The following ENOX1 variants were observed in gnomAD, a reference collection of about 807,000 sequenced individuals.
ENOX1 encodes the protein candidate growth-related and time keeping constitutive hydroquinone (NADH) oxidase.
A neutral mutation model predicts 82.5 loss-of-function variants in ENOX1; 42 were observed. The observed-to-expected ratio is 0.51, with a 90% CI of 0.40 to 0.66. The LOEUF (loss-of-function observed/expected upper bound fraction) is 0.66. Among genes scored for constraint, ENOX1 ranks in the 30% least tolerant of loss-of-function variants. The probability of loss-of-function intolerance (pLI) is 0.00; values close to 1 mark genes in which losing one functional copy is unlikely to be tolerated. For missense variants in ENOX1, 608 were observed against 811.6 expected (o/e 0.75, Z 3.05); for synonymous variants, 271 against 282.2 (o/e 0.96, Z 0.40).
intron 12 of ENOX1, among the ~76,000 whole-genome samples, chr13:43,294,312 G>C (rs2046171794): frequency 6.6e-6 from 1 of 152,064 alleles, no homozygotes; most frequent in African/African-American, 2.4e-5. Flanking sequence ...TTTACACAAG[G>C]CTTCAAAAAG....
intron 3 of ENOX1, among the ~76,000 whole-genome samples, chr13:43,459,961 T>A (rs1566276107): frequency 1.3e-5 from 2 of 152,064 alleles, no homozygotes; most frequent in African/African-American, 2.4e-5. Flanking sequence ...ACCATCGCAC[T>A]CCAGCCTGGG....
rs2043196334 is a variant in ENOX1, at chr13:43,247,861, ATATATATATATATATATATATATTTT to A, written c.1612-11149_1612-11124del. On this transcript the variant is annotated intron_variant, in intron 14 of 16. Transcript: ENST00000690772. ...TATATATATATATATATATATATAT[ATATATATATATATATATATATATTTT>A]TTTTTTTTTTTTTTTTGAGACGGAG... 1.7e-3 allele frequency among the ~76,000 whole-genome samples: 3 copies of A among 1,778 alleles called. 1 individual carries two copies. The highest frequency in any genetic ancestry group is 3.4e-3 in the Non-Finnish European group (3 of 894). 1.2% of individuals were successfully genotyped at this position (1,778 alleles called of 152,430 possible).
At chr13:43,329,425 G>A (rs2048302218) in intron 9 of ENOX1, among the ~76,000 whole-genome samples, 2 of 152,124 alleles carry the variant, frequency 1.3e-5, no homozygotes, top group Admixed American at 1.3e-4. Flanking sequence ...GACTGGAGCT[G>A]GTAAGTACAT....
At chr13:43,304,258 C>T (rs1473141796) in intron 11 of ENOX1, among the ~76,000 whole-genome samples, 1 of 152,214 alleles carries the variant, frequency 6.6e-6, no homozygotes, top group Admixed American at 6.5e-5. Context: ...ATGTGCCAGG[C>T]ACTGAGGTAA....
At chr13:43,738,283 A>G (rs1483625575) in intron 1 of ENOX1, among the ~76,000 whole-genome samples, 1 of 152,174 alleles carries the variant, frequency 6.6e-6, no homozygotes, top group African/African-American at 2.4e-5. Flanking sequence ...ACATAACAAT[A>G]TGTAGTTATA....
chr13:43,242,229 T>C (rs977425566), intron 14 of ENOX1, among the ~76,000 whole-genome samples: 5 of 152,250 alleles, frequency 3.3e-5, no homozygotes, highest in African/African-American at 1.2e-4. Context: ...TGGCCCCTCT[T>C]AAACCATCTG....
intron 2 of ENOX1, among the ~76,000 whole-genome samples, chr13:43,523,837 G>C (rs548651320): frequency 6.6e-6 from 1 of 152,242 alleles, no homozygotes; most frequent in East Asian, 1.9e-4. Flanking sequence ...AATCAACACA[G>C]AAAATGTAGC....
intron 2 of ENOX1, among the ~76,000 whole-genome samples, chr13:43,620,540 G>C (rs2153745676): frequency 6.6e-6 from 1 of 152,184 alleles, no homozygotes; most frequent in South Asian, 2.1e-4. Context: ...TAATTTCCAT[G>C]TATTTGCATG....
intron 2 of ENOX1, among the ~76,000 whole-genome samples, chr13:43,596,059 A>T (rs1026724073): frequency 6.6e-6 from 1 of 152,254 alleles, no homozygotes; most frequent in African/African-American, 2.4e-5. Flanking sequence ...CACAGATGTT[A>T]TACCAAATTC....
chr13:43,524,565 T>G (rs1300990568), intron 2 of ENOX1, among the ~76,000 whole-genome samples: 1 of 152,144 alleles, frequency 6.6e-6, no homozygotes, highest in Admixed American at 6.6e-5. Flanking sequence ...CTTTTCTTCT[T>G]GCTCAGCTCA....
intron 5 of ENOX1, among the ~76,000 whole-genome samples, chr13:43,369,438 A>C (rs1425080881): frequency 6.6e-6 from 1 of 152,172 alleles, no homozygotes; most frequent in African/African-American, 2.4e-5. Flanking sequence ...GTTACGATTA[A>C]AAAGTAATGG....
At chr13:43,593,322 A>G (rs1405900883) in intron 2 of ENOX1, among the ~76,000 whole-genome samples, 1 of 152,128 alleles carries the variant, frequency 6.6e-6, no homozygotes, top group Non-Finnish European at 1.5e-5. Flanking sequence ...TACATCAGAG[A>G]TCAGAAATAA....
chr13:43,249,734 T>C (rs1036730832), intron 14 of ENOX1, among the ~76,000 whole-genome samples: 1 of 152,186 alleles, frequency 6.6e-6, no homozygotes, highest in Non-Finnish European at 1.5e-5. Context: ...TGGGACACAA[T>C]CTGATAAATG....
chr13:43,239,372 G>T (rs1187275760), intron 14 of ENOX1, among the ~76,000 whole-genome samples: 1 of 152,154 alleles, frequency 6.6e-6, no homozygotes, highest in Non-Finnish European at 1.5e-5. Context: ...GTTGGAGATG[G>T]AGCTGTTTTT....
intron 9 of ENOX1, among the ~76,000 whole-genome samples, chr13:43,335,758 GGAA>G (rs2048665908): frequency 7.2e-6 from 1 of 138,884 alleles, no homozygotes; most frequent in Non-Finnish European, 1.5e-5. Flanking sequence ...GAGACTGAAA[GGAA>G]GGATACCAAA....
intron 1 of ENOX1, among the ~76,000 whole-genome samples, chr13:43,706,281 C>T (rs561938933): frequency 6.6e-6 from 1 of 150,562 alleles, no homozygotes; most frequent in African/African-American, 2.4e-5. Flanking sequence ...AAGGAGGAAG[C>T]AATAAAATAA....
At chr13:43,359,196 T>C (rs1194712828) in intron 7 of ENOX1, among the ~76,000 whole-genome samples, 5 of 152,028 alleles carry the variant, frequency 3.3e-5, no homozygotes, top group Admixed American at 1.3e-4. Flanking sequence ...GGAAGGGCAG[T>C]GAGTTCAGTC....
At chr13:43,261,432 AATATG>A (rs1236748938) in intron 14 of ENOX1, among the ~76,000 whole-genome samples, 1 of 152,208 alleles carries the variant, frequency 6.6e-6, no homozygotes, top group Non-Finnish European at 1.5e-5. Context: ...CCCAGAAACA[AATATG>A]AGATGCAACC....
At chr13:43,387,461 G>C (rs566041598) in intron 5 of ENOX1, among the ~76,000 whole-genome samples, 51 of 152,222 alleles carry the variant, frequency 3.4e-4, no homozygotes, top group African/African-American at 1.2e-3. Context: ...GGCCAGTGTG[G>C]ACAGAGCCTG....
Sources: gnomAD v4.1 joint callset for allele counts (sites outside exome capture counted in the v4.1 genomes callset) on GRCh38, gnomAD v4.1.1 for gene constraint, MANE v1.5 for transcripts, NCBI Gene and HGNC (gene_info 2026-07-23, HGNC 2026-07-21) for gene names.